Variants in NRG3 observed in about 807,000 individuals in gnomAD.
NRG3 encodes the protein pro-neuregulin-3, membrane-bound isoform.
A neutral mutation model predicts 66.9 loss-of-function variants in NRG3; 31 were observed. The observed-to-expected ratio is 0.46, with a 90% CI of 0.35 to 0.63. The LOEUF is 0.63. NRG3 is among the 20% of genes least tolerant of loss of function. The pLI is 0.00. For synonymous variants in NRG3, 393 were observed against 359.4 expected, an observed-to-expected ratio of 1.09 and a Z score of -1.06; for missense variants, 910 against 878.9, an observed-to-expected ratio of 1.04 and a Z score of -0.45.
intron 2 of NRG3, among the ~76,000 whole-genome samples, chr10:82,630,289 C>A (rs574248523): frequency 6.7e-6 from 1 of 150,280 alleles, no homozygotes; most frequent in Admixed American, 6.6e-5. Context: ...ATATGAAAAT[C>A]TTTTCAAGAT....
intron 1 of NRG3, among the ~76,000 whole-genome samples, chr10:82,001,434 C>T (rs1193883521): frequency 6.6e-6 from 1 of 151,684 alleles, no homozygotes; most frequent in African/African-American, 2.4e-5. Context: ...ACTCAGGAGG[C>T]AGAGGCTGCA....
intron 2 of NRG3, among the ~76,000 whole-genome samples, chr10:82,612,570 A>G (rs1227543834): frequency 2.0e-5 from 3 of 152,302 alleles, no homozygotes; most frequent in African/African-American, 7.2e-5. Context: ...ACATACTCTA[A>G]AAGTTCTCAA....
intron 1 of NRG3, among the ~76,000 whole-genome samples, chr10:82,286,547 A>G (rs2079426665): frequency 6.6e-6 from 1 of 152,150 alleles, no homozygotes; most frequent in Non-Finnish European, 1.5e-5. Context: ...AGACAATTTA[A>G]TTCTTTTATC....
At chr10:82,294,175 T>C (rs556172185) in intron 1 of NRG3, among the ~76,000 whole-genome samples, 5 of 152,202 alleles carry the variant, frequency 3.3e-5, no homozygotes, top group African/African-American at 9.6e-5. Context: ...CTCAGTCTTC[T>C]CTGATGGAAA....
intron 2 of NRG3, among the ~76,000 whole-genome samples, chr10:82,529,731 A>G (rs1847074812): frequency 6.6e-6 from 1 of 152,168 alleles, no homozygotes; most frequent in African/African-American, 2.4e-5. Context: ...TAAATCTGCT[A>G]AAGAAACACC....
At chr10:82,148,714 C>T (rs1018801912) in intron 1 of NRG3, among the ~76,000 whole-genome samples, 3 of 152,094 alleles carry the variant, frequency 2.0e-5, no homozygotes, top group African/African-American at 7.2e-5. Context: ...CTGATTCTCA[C>T]CTTGGGAATC....
At chr10:82,122,738 T>C (rs970850354) in intron 1 of NRG3, among the ~76,000 whole-genome samples, 3 of 152,194 alleles carry the variant, frequency 2.0e-5, no homozygotes, top group African/African-American at 4.8e-5. Flanking sequence ...ATTATTTGAC[T>C]AAACAGGAAC....
chr10:82,510,338 A>C (rs1206300682), intron 2 of NRG3, among the ~76,000 whole-genome samples: 1 of 152,112 alleles, frequency 6.6e-6, no homozygotes, highest in Non-Finnish European at 1.5e-5. Context: ...AATTCCCACA[A>C]GTGTGATGCT....
At chr10:82,606,048 A>G (rs760970096) in intron 2 of NRG3, among the ~76,000 whole-genome samples, 1 of 151,922 alleles carries the variant, frequency 6.6e-6, no homozygotes, top group Non-Finnish European at 1.5e-5. Flanking sequence ...CTAATTTTGT[A>G]TATGTCTTTT....
At chr10:82,452,286 G>A (rs1200450629) in intron 2 of NRG3, among the ~76,000 whole-genome samples, 1 of 152,144 alleles carries the variant, frequency 6.6e-6, no homozygotes, top group Middle Eastern at 3.2e-3. Context: ...AGAACATGAC[G>A]GATTATGTAT....
At chr10:82,841,565 G>T (rs750348579) in intron 3 of NRG3, among the ~76,000 whole-genome samples, 22 of 152,130 alleles carry the variant, frequency 1.4e-4, no homozygotes, top group Non-Finnish European at 2.4e-4. Context: ...GGAAATTCAG[G>T]CAGGAGTTGG....
At chr10:82,181,420 T>C (rs896963758) in intron 1 of NRG3, among the ~76,000 whole-genome samples, 2 of 151,780 alleles carry the variant, frequency 1.3e-5, no homozygotes, top group Non-Finnish European at 3.0e-5. Flanking sequence ...TCTCTCTTAC[T>C]ACTGCTTTTG....
chr10:81,937,248 A>G (rs901648660), intron 1 of NRG3, among the ~76,000 whole-genome samples: 4 of 152,060 alleles, frequency 2.6e-5, no homozygotes, highest in African/African-American at 9.7e-5. Flanking sequence ...GGGTGTGCAA[A>G]TGTCTCCTTG....
intron 1 of NRG3, among the ~76,000 whole-genome samples, chr10:81,888,176 C>T (rs368787574): frequency 5.9e-5 from 9 of 152,182 alleles, no homozygotes; most frequent in East Asian, 3.9e-4. Flanking sequence ...CAGCATTTTC[C>T]TTTGTTCTCA....
rs190136522 is a variant in NRG3, at chr10:82,109,967, C to A, written c.823+233804C>A. ...GTGATTCATTGATTCCTGAATTTAA[C>A]TAATTTTTGGTGACAATATGCTAGG... On this transcript the variant is annotated intron_variant, in intron 1 of 8. Transcript: ENST00000372141. Among the ~76,000 whole-genome samples the A allele has an allele frequency of 4.0e-3, 610 of 152,212 alleles. 2 individuals carry two copies. The highest frequency in any genetic ancestry group is 0.017 in the Middle Eastern group (5 of 294).
chr10:82,425,960 T>G (rs1324448697), intron 2 of NRG3, among the ~76,000 whole-genome samples: 1 of 152,156 alleles, frequency 6.6e-6, no homozygotes, highest in Non-Finnish European at 1.5e-5. Flanking sequence ...ATCTGAACCT[T>G]TTAGTGAACA....
chr10:82,200,294 C>T (rs1434154375), intron 1 of NRG3, among the ~76,000 whole-genome samples: 1 of 152,078 alleles, frequency 6.6e-6, no homozygotes, highest in East Asian at 1.9e-4. Context: ...CTTACTGACT[C>T]CTGTACCAGA....
chr10:82,001,826 T>C (rs2061181327), intron 1 of NRG3, among the ~76,000 whole-genome samples: 1 of 152,214 alleles, frequency 6.6e-6, no homozygotes, highest in Non-Finnish European at 1.5e-5. Flanking sequence ...TCTGCGTTCA[T>C]GTAAGTGCAT....
chr10:82,914,324 T>G (rs763761748), intron 4 of NRG3, among the ~76,000 whole-genome samples: 2 of 152,220 alleles, frequency 1.3e-5, no homozygotes, highest in African/African-American at 4.8e-5. Flanking sequence ...GATTTAATTT[T>G]TTTTTCTTTT....
Sources: allele counts gnomAD v4.1 joint callset (sites outside exome capture counted in the v4.1 genomes callset), GRCh38; gene constraint gnomAD v4.1.1; transcripts MANE v1.5; gene names NCBI Gene and HGNC (gene_info 2026-07-23, HGNC 2026-07-21).